NRXN3: variants seen among roughly 807,000 people sequenced by gnomAD.
The protein encoded by NRXN3 is neurexin III.
A neutral mutation model predicts 137.6 loss-of-function variants in NRXN3; 32 were observed. That is an observed-to-expected ratio of 0.23 (90% CI 0.18 to 0.31). The LOEUF (loss-of-function observed/expected upper bound fraction) is 0.31. Ranked by LOEUF, NRXN3 falls within the 10% of genes least tolerant of loss-of-function variation. The probability of loss-of-function intolerance (pLI) is 1.00; values close to 1 mark genes in which losing one functional copy is unlikely to be tolerated. For missense variants in NRXN3, 1,574 were observed against 2,062.5 expected (o/e 0.76, Z 4.59); for synonymous variants, 798 against 784.5 (o/e 1.02, Z -0.29).
At chr14:78,396,453 CT>C (rs1341615556) in intron 4 of NRXN3, among the ~76,000 whole-genome samples, 3 of 152,090 alleles carry the variant, frequency 2.0e-5, no homozygotes, top group Admixed American at 2.0e-4. Flanking sequence ...TTTGATTTCT[CT>C]TTTAAAAAGT....
At chr14:78,772,144 A>G (rs369385895) in intron 8 of NRXN3, among the ~76,000 whole-genome samples, 4 of 152,322 alleles carry the variant, frequency 2.6e-5, no homozygotes, top group South Asian at 2.1e-4. Context: ...TGAATTTTGT[A>G]GCACTTTGGA....
chr14:79,379,456 A>G (rs1227792036), intron 15 of NRXN3, among the ~76,000 whole-genome samples: 1 of 152,144 alleles, frequency 6.6e-6, no homozygotes, highest in Non-Finnish European at 1.5e-5. Context: ...CCATGTTCAT[A>G]TGACAGCTGC....
intron 3 of NRXN3, among the ~76,000 whole-genome samples, chr14:78,280,636 T>C (rs2074276259): frequency 6.6e-6 from 1 of 152,180 alleles, no homozygotes; most frequent in South Asian, 2.1e-4. Context: ...GAATCCAACC[T>C]GTGTTCCTCT....
intron 16 of NRXN3, among the ~76,000 whole-genome samples, chr14:79,512,619 C>T (rs907075713): frequency 3.3e-5 from 5 of 152,032 alleles, no homozygotes; most frequent in Admixed American, 1.3e-4. Flanking sequence ...CATGGTGAAA[C>T]GTATTGATTT....
intron 16 of NRXN3, among the ~76,000 whole-genome samples, chr14:79,560,039 T>C (rs74068066): frequency 0.019 from 2,848 of 152,056 alleles, 96 homozygotes; most frequent in African/African-American, 0.066. Flanking sequence ...TCATTTAAAA[T>C]GAAAAAAGAT....
intron 20 of NRXN3, among the ~76,000 whole-genome samples, chr14:79,832,457 C>T (rs904902800): frequency 5.9e-5 from 9 of 152,128 alleles, no homozygotes; most frequent in Non-Finnish European, 1.0e-4. Flanking sequence ...TTCTCTGCAG[C>T]GTAGTTTCTT....
chr14:78,806,201 T>C (rs1018896506), intron 9 of NRXN3, among the ~76,000 whole-genome samples: 1 of 152,144 alleles, frequency 6.6e-6, no homozygotes, highest in Non-Finnish European at 1.5e-5. Context: ...CACCAAAGGA[T>C]AGGTTCATCA....
intron 15 of NRXN3, among the ~76,000 whole-genome samples, chr14:79,149,661 G>T (rs2059624860): frequency 6.6e-6 from 1 of 152,064 alleles, no homozygotes; most frequent in Admixed American, 6.5e-5. Flanking sequence ...ATACACCATG[G>T]AATACTATAC....
rs374752164 is a variant in NRXN3, at chr14:78,521,391, A to G, written c.758-123729A>G. Reference sequence around the variant, plus strand: ...ACCACATTTAATGCGGGCCATTTAGATATTAATCATCAAAGGTAAACGATG... The same window carrying G: ...ACCACATTTAATGCGGGCCATTTAGGTATTAATCATCAAAGGTAAACGATG... On this transcript the variant is annotated intron_variant, in intron 4 of 20. Coordinates refer to ENST00000335750, the MANE Select transcript of NRXN3 (RefSeq NM_001330195.2). 5.9e-5 allele frequency among the ~76,000 whole-genome samples: 9 copies of G among 152,312 alleles called. No homozygotes were observed. The East Asian group carries it at 1.4e-3, about 23-fold the overall frequency.
chr14:79,536,012 T>C (rs1446985567), intron 16 of NRXN3, among the ~76,000 whole-genome samples: 1 of 152,202 alleles, frequency 6.6e-6, no homozygotes, highest in African/African-American at 2.4e-5. Flanking sequence ...ATGGTGACCC[T>C]TGTGCTCTCC....
rs768421862 is a variant in NRXN3, at chr14:78,715,134, A to T, written c.2039A>T (p.Glu680Val). 1.2e-6 allele frequency: 2 copies of T among 1,606,480 alleles called. No homozygotes were observed. Among genetic ancestry groups the T allele is most frequent in the Non-Finnish European group, 1.7e-6 (2 of 1,177,260 alleles). Residue 680 changes from glutamate to valine, a missense_variant, in exon 8 of 21, where the codon GAA (glutamate) becomes GTA (valine). Physicochemically the swap from Glu to Val is moderately radical, Grantham distance 121. This residue lies in a region of NRXN3 where 718 missense variants were observed against 887.6 expected (regional missense o/e 0.81). Coordinates refer to ENST00000335750, the MANE Select transcript of NRXN3 (RefSeq NM_001330195.2). ...ACCGGATACTGGGGAAGAACCTGCG[A>T]AAGGGGTGAGTCGGCCTAGAGGATG... ...TGTGYWGRTC[E>V]REASILSYDG...
rs75064282 is a variant in NRXN3, at chr14:78,214,505, CCT to C, written c.-703-27883_-703-27882del. ...AAAAGCTCCACAAGGGCAGGGGCTA[CCT>C]CTGTCTTTGCTGATCATTGTGCCTC... On this transcript the variant is annotated intron_variant, in intron 1 of 20. Transcript: ENST00000335750. Among the ~76,000 whole-genome samples the C allele has an allele frequency of 4.0e-3, 603 of 152,280 alleles. 33 individuals carry two copies. In the East Asian group the frequency reaches 0.1, roughly 26 times the overall value.
chr14:78,783,801 C>T (rs7142344), intron 8 of NRXN3, among the ~76,000 whole-genome samples: 48,812 of 151,912 alleles, frequency 0.32, 14,860 homozygotes, highest in African/African-American at 0.8. Flanking sequence ...TAGGCACCGC[C>T]GATAATAAAT....
At chr14:78,651,973 G>A (rs529962691) in intron 6 of NRXN3, among the ~76,000 whole-genome samples, 1 of 152,180 alleles carries the variant, frequency 6.6e-6, no homozygotes, top group East Asian at 1.9e-4. Context: ...AGATGGCTGT[G>A]TTTATAAATT....
At chr14:79,038,522 A>C (rs911457102) in intron 15 of NRXN3, among the ~76,000 whole-genome samples, 2 of 152,126 alleles carry the variant, frequency 1.3e-5, no homozygotes, top group Non-Finnish European at 2.9e-5. Context: ...AAATTTTTTC[A>C]GCAGGTTTCT....
chr14:79,121,079 A>G (rs922774699), intron 15 of NRXN3, among the ~76,000 whole-genome samples: 1 of 152,194 alleles, frequency 6.6e-6, no homozygotes, highest in African/African-American at 2.4e-5. Flanking sequence ...CTAGGGGAAT[A>G]TGGGCCCATA....
chr14:79,582,453 G>T (rs1361226863), intron 16 of NRXN3, among the ~76,000 whole-genome samples: 1 of 152,114 alleles, frequency 6.6e-6, no homozygotes, highest in Non-Finnish European at 1.5e-5. Flanking sequence ...ACGGAGTCTT[G>T]CTCTGTCACT....
intron 4 of NRXN3, among the ~76,000 whole-genome samples, chr14:78,337,521 A>G (rs2081616354): frequency 6.6e-6 from 1 of 152,096 alleles, no homozygotes; most frequent in Non-Finnish European, 1.5e-5. Context: ...ATGCTCACCT[A>G]GGCTTAGGGA....
At chr14:78,235,103 CA>C (rs1292320754) in intron 1 of NRXN3, among the ~76,000 whole-genome samples, 1 of 148,850 alleles carries the variant, frequency 6.7e-6, no homozygotes, top group Non-Finnish European at 1.5e-5. Flanking sequence ...TATATAGTTA[CA>C]AATTGTACCT....
Sources: allele counts gnomAD v4.1 joint callset (sites outside exome capture counted in the v4.1 genomes callset), GRCh38; gene constraint gnomAD v4.1.1; regional missense constraint gnomAD v4.1.1; transcripts MANE v1.5; gene names NCBI Gene and HGNC (gene_info 2026-07-23, HGNC 2026-07-21).